The following UMAD1 variants were observed in gnomAD, a reference collection of about 807,000 sequenced individuals.
UMAD1 encodes UBAP1-MVB12-associated (UMA) domain containing 1, also known as UBAP1-MVB12-associated (UMA)-domain containing protein 1.
UMAD1 carries 8 observed loss-of-function variants against 6.1 expected under a neutral mutation model. The observed-to-expected ratio is 1.30, with a 90% CI of 0.76 to 2.35. The LOEUF is 2.35. Ranked by LOEUF, UMAD1 falls within the 30% of genes most tolerant of loss-of-function variation. UMAD1 has a pLI of 0.00. For missense variants in UMAD1, 130 were observed against 78.4 expected, an observed-to-expected ratio of 1.66 and a Z score of -2.49; for synonymous variants, 56 against 31.4, an observed-to-expected ratio of 1.78 and a Z score of -2.61.
intron 2 of UMAD1, among the ~76,000 whole-genome samples, chr7:7,683,201 G>A (rs1382836923): frequency 1.3e-5 from 2 of 152,154 alleles, no homozygotes; most frequent in African/African-American, 2.4e-5. Context: ...TGACTCAAAC[G>A]TAAATTAGGG....
intron 2 of UMAD1, among the ~76,000 whole-genome samples, chr7:7,734,658 A>G (rs1474074837): frequency 6.6e-6 from 1 of 152,214 alleles, no homozygotes; most frequent in Non-Finnish European, 1.5e-5. Flanking sequence ...GCCCTTCGCC[A>G]TATCATGCTG....
At chr7:7,863,019 T>TAAA (rs149006477) in intron 3 of UMAD1, among the ~76,000 whole-genome samples, 97 of 151,234 alleles carry the variant, frequency 6.4e-4, no homozygotes, top group African/African-American at 2.2e-3. Context: ...TGATTTAATG[T>TAAA]AAAAAAAAAG....
intron 3 of UMAD1, among the ~76,000 whole-genome samples, chr7:7,876,215 G>T (rs1225063991): frequency 6.6e-6 from 1 of 152,098 alleles, no homozygotes; most frequent in African/African-American, 2.4e-5. Flanking sequence ...GAAAGCAAAG[G>T]CCCTGAGGCA....
intron 2 of UMAD1, among the ~76,000 whole-genome samples, chr7:7,704,287 A>G (rs1780540019): frequency 6.6e-6 from 1 of 152,150 alleles, no homozygotes; most frequent in African/African-American, 2.4e-5. Flanking sequence ...ATTCATGTAA[A>G]TATGTAAAAC....
chr7:7,744,789 C>T (rs184715301), intron 2 of UMAD1, among the ~76,000 whole-genome samples: 1 of 151,814 alleles, frequency 6.6e-6, no homozygotes, highest in East Asian at 1.9e-4. Flanking sequence ...TTATTGAATT[C>T]TAAGAGTTCT....
chr7:7,798,743 G>A (rs559535901), intron 2 of UMAD1, among the ~76,000 whole-genome samples: 3 of 152,236 alleles, frequency 2.0e-5, no homozygotes, highest in African/African-American at 7.2e-5. Flanking sequence ...AGTCCCCAGA[G>A]ATGTCAAGAG....
chr7:7,753,200 G>T (rs184453532), intron 2 of UMAD1, among the ~76,000 whole-genome samples: 3 of 152,152 alleles, frequency 2.0e-5, no homozygotes, highest in Admixed American at 1.3e-4. Context: ...TTTTGATACA[G>T]GCATACATTG....
chr7:7,834,026 T>TC (rs1783515960), intron 3 of UMAD1, among the ~76,000 whole-genome samples: 2 of 141,614 alleles, frequency 1.4e-5, no homozygotes, highest in Non-Finnish European at 3.1e-5. Flanking sequence ...CTTTTTTTTT[T>TC]TTTTTTTTTT....
intron 2 of UMAD1, among the ~76,000 whole-genome samples, chr7:7,675,755 G>C (rs1229766723): frequency 6.6e-6 from 1 of 152,078 alleles, no homozygotes. Context: ...TCATGGTGAG[G>C]AATCACTTCC....
rs570477304 is a variant in UMAD1 at position 7,877,615 on chromosome 7, C to T, written c.*77C>T. ...ATCTAACCTGTTTGATGTTCTTTGC[C>T]GTTTCACTGTTTAAGGTCCTCAGCA... On this transcript the variant is annotated 3_prime_UTR_variant, in exon 4 of 4. Coordinates refer to ENST00000682710, the MANE Select transcript of UMAD1 (RefSeq NM_001302348.2). 6.9e-5 allele frequency: 46 copies of T among 667,792 alleles called. 1 individual carries two copies. The highest frequency in any genetic ancestry group is 4.0e-4 in the South Asian group (24 of 59,710). The allele number at this position is 667,792 out of a possible 1,614,324, so 41.4% of individuals were successfully genotyped here.
At chr7:7,693,234 C>G (rs1027071425) in intron 2 of UMAD1, among the ~76,000 whole-genome samples, 7 of 152,098 alleles carry the variant, frequency 4.6e-5, no homozygotes, top group African/African-American at 1.7e-4. Context: ...CTTCTTGTTT[C>G]CAGTATACAA....
intron 2 of UMAD1, among the ~76,000 whole-genome samples, chr7:7,790,413 T>C (rs1782546284): frequency 6.6e-6 from 1 of 152,204 alleles, no homozygotes; most frequent in African/African-American, 2.4e-5. Context: ...CTTTATTCTG[T>C]CTGCGTATTG....
chr7:7,731,001 G>T (rs1781238597), intron 2 of UMAD1, among the ~76,000 whole-genome samples: 1 of 151,884 alleles, frequency 6.6e-6, no homozygotes, highest in Non-Finnish European at 1.5e-5. Context: ...TATGTTTTTT[G>T]TTTGTTTGTT....
intron 3 of UMAD1, among the ~76,000 whole-genome samples, chr7:7,851,541 T>C (rs1356121162): frequency 1.3e-5 from 2 of 152,182 alleles, no homozygotes; most frequent in East Asian, 3.8e-4. Flanking sequence ...GTGTTCCAGT[T>C]TCTCCACATC....
intron 2 of UMAD1, among the ~76,000 whole-genome samples, chr7:7,724,458 T>G (rs1204658269): frequency 6.6e-6 from 1 of 152,202 alleles, no homozygotes; most frequent in Non-Finnish European, 1.5e-5. Flanking sequence ...GGGTGAGGGC[T>G]ATTATGGTGG....
intron 2 of UMAD1, among the ~76,000 whole-genome samples, chr7:7,684,626 A>C (rs1316886962): frequency 6.6e-6 from 1 of 152,130 alleles, no homozygotes; most frequent in African/African-American, 2.4e-5. Context: ...TTTTTTGAAA[A>C]ATCAGTGGAA....
At chr7:7,793,197 A>G (rs1782603430) in intron 2 of UMAD1, among the ~76,000 whole-genome samples, 1 of 152,194 alleles carries the variant, frequency 6.6e-6, no homozygotes, top group Admixed American at 6.5e-5. Context: ...TTTAATCTTT[A>G]TAACAGCCTT....
chr7:7,678,142 A>C (rs1779795126), intron 2 of UMAD1, among the ~76,000 whole-genome samples: 1 of 21,536 alleles, frequency 4.6e-5, no homozygotes, highest in South Asian at 1.2e-3. Flanking sequence ...TTCTGTTTTT[A>C]GTTTTTTTGA....
chr7:7,799,959 C>T (rs1782766470), intron 2 of UMAD1, among the ~76,000 whole-genome samples: 2 of 152,244 alleles, frequency 1.3e-5, no homozygotes, highest in African/African-American at 2.4e-5. Flanking sequence ...TCTCGGCTCA[C>T]TGCAACCTCC....
Sources: allele counts gnomAD v4.1 joint callset (sites outside exome capture counted in the v4.1 genomes callset), GRCh38; gene constraint gnomAD v4.1.1; transcripts MANE v1.5; gene names NCBI Gene and HGNC (gene_info 2026-07-23, HGNC 2026-07-21).